PLA2G4A: variants seen among roughly 807,000 people sequenced by gnomAD.
The protein encoded by PLA2G4A is phospholipase A2 group IVA.
A neutral mutation model predicts 81.9 loss-of-function variants in PLA2G4A; 40 were observed. That is an observed-to-expected ratio of 0.49 (90% CI 0.38 to 0.64). PLA2G4A has a LOEUF of 0.64. Among genes scored for constraint, PLA2G4A ranks in the 30% least tolerant of loss-of-function variants. The pLI is 0.00. For missense variants in PLA2G4A, 715 were observed against 905.1 expected, an observed-to-expected ratio of 0.79 and a Z score of 2.69; for synonymous variants, 302 against 296.9, an observed-to-expected ratio of 1.02 and a Z score of -0.18.
chr1:186,947,532 C>T (rs2102234948), intron 12 of PLA2G4A, among the ~76,000 whole-genome samples: 1 of 152,128 alleles, frequency 6.6e-6, no homozygotes, highest in East Asian at 1.9e-4. Context: ...AGTAGACAAT[C>T]TCAACTGGGG....
intron 3 of PLA2G4A, among the ~76,000 whole-genome samples, chr1:186,888,199 A>T (rs1423006882): frequency 1.3e-5 from 2 of 152,226 alleles, no homozygotes; most frequent in African/African-American, 4.8e-5. Context: ...GATTTTTTAA[A>T]CAAAGTCTGT....
chr1:186,932,997 C>G (rs1425607030), intron 8 of PLA2G4A, 98 bp downstream of exon 8: 6 of 907,596 alleles, frequency 6.6e-6, no homozygotes, highest in African/African-American at 3.3e-5. Context: ...GAAAATTGAT[C>G]ATTAATTTAA....
chr1:186,953,554 T>C (rs1476148672), intron 13 of PLA2G4A, among the ~76,000 whole-genome samples: 1 of 152,234 alleles, frequency 6.6e-6, no homozygotes, highest in Non-Finnish European at 1.5e-5. Flanking sequence ...TGTTTAGTCA[T>C]ATGATTTTGA....
chr1:186,861,474 C>G (rs1652798972), intron 2 of PLA2G4A, among the ~76,000 whole-genome samples: 2 of 152,246 alleles, frequency 1.3e-5, no homozygotes, highest in South Asian at 4.1e-4. Context: ...TTCTTTCCTA[C>G]TTTTAGGAAA....
rs1183376391 is a variant in PLA2G4A at position 186,830,939 on chromosome 1, T to TAGC, written c.-70+1904_-70+1905insAGC. The stretch of plus-strand genomic sequence containing the variant: ...TCCTTCTTGCTCCAGATTGTATAGC[T>TAGC]TGCTTGCTTGCTTGCTTGCTTTCTT... On this transcript the variant is annotated intron_variant, in intron 1 of 17. Transcript: ENST00000367466. Among the ~76,000 whole-genome samples the TAGC allele has an allele frequency of 2.4e-3, 122 of 51,436 alleles. 2 individuals carry two copies. Among genetic ancestry groups the TAGC allele is most frequent in the African/African-American group, 8.6e-3 (116 of 13,438 alleles). 33.7% of individuals were successfully genotyped at this position (51,436 alleles called of 152,430 possible).
In PLA2G4A at chr1:186,912,722, T is replaced by TATACATATATATACATATATATGTA. The variant is rs1558429847; in HGVS notation, c.558+1333_558+1334insATACATATATATACATATATATGTA. The stretch of plus-strand genomic sequence containing the variant: ...TTTACTTATTCATATATATGTATAT[T>TATACATATATATACATATATATGTA]TATATATACATATATATACATATAT... On this transcript the variant is annotated intron_variant, in intron 7 of 17. Coordinates refer to ENST00000367466, the MANE Select transcript of PLA2G4A (RefSeq NM_024420.3). 3.4e-4 allele frequency among the ~76,000 whole-genome samples: 48 copies of TATACATATATATACATATATATGTA among 139,654 alleles called. 2 individuals carry two copies. The highest frequency in any genetic ancestry group is 1.4e-3 in the African/African-American group (46 of 34,036). 91.6% of individuals were successfully genotyped at this position (139,654 alleles called of 152,430 possible).
Position 186,909,195 on chromosome 1 carries a change from C to T in PLA2G4A, c.417-2053C>T, listed in dbSNP as rs113818860. On this transcript the variant is annotated intron_variant, in intron 6 of 17. Coordinates refer to ENST00000367466, the MANE Select transcript of PLA2G4A (RefSeq NM_024420.3). ...TTCACCGTGTTAGCTAGGATGGTCT[C>T]GATTTCCTGACCTCGTGATCCGCCT... 6.9e-3 allele frequency among the ~76,000 whole-genome samples: 1,037 copies of T among 149,664 alleles called. 8 individuals carry two copies. The highest frequency in any genetic ancestry group is 0.024 in the African/African-American group (988 of 41,060).
At position 186,988,423 on chromosome 1, in the gene PLA2G4A, A is replaced by C. The variant is rs368064865; in HGVS notation, c.2165A>C (p.Asn722Thr). The change falls in exon 18 of 18, where the codon AAT becomes ACT. Residue 722 changes from asparagine (N) to threonine (T), a missense_variant. Transcript: ENST00000367466. ...GAAAGCATTGAATATAGAAGACAGA[A>C]TCCATCTCGTTGCTCTGTTTCCCTT... ...MVESIEYRRQ[N>T]PSRCSVSLSN... 6 of 1,611,596 alleles carry C rather than the reference A, an allele frequency of 3.7e-6. No homozygotes were observed. Among genetic ancestry groups the C allele is most frequent in the Non-Finnish European group, 5.1e-6 (6 of 1,177,818 alleles).
Position 186,893,047 on chromosome 1 carries a change from C to G in PLA2G4A, c.152C>G (p.Ser51Cys), listed in dbSNP as rs534671847. 7 of 1,610,264 alleles carry G rather than the reference C, an allele frequency of 4.3e-6. No homozygotes were observed. In the South Asian group the frequency reaches 6.6e-5, roughly 15 times the overall value. Reference protein sequence around the residue: ...TPDPYVELFISTTPDSRKRTR... With the variant: ...TPDPYVELFICTTPDSRKRTR... The stretch of plus-strand genomic sequence containing the variant: ...GATCCCTATGTGGAACTTTTTATCT[C>G]TACAACCCCTGACAGCAGGAAGAGA... Residue 51 changes from serine to cysteine, a missense_variant, in exon 4 of 18, where the codon TCT becomes TGT. Coordinates refer to ENST00000367466, the MANE Select transcript of PLA2G4A (RefSeq NM_024420.3).
At chr1:186,971,971 A>G (rs1456799547) in intron 15 of PLA2G4A, among the ~76,000 whole-genome samples, 1 of 152,092 alleles carries the variant, frequency 6.6e-6, no homozygotes, top group Non-Finnish European at 1.5e-5. Context: ...ATGCTGGGCA[A>G]AAAATTAGAA....
chr1:186,964,174 G>C (rs917301708), intron 14 of PLA2G4A, among the ~76,000 whole-genome samples: 1 of 152,038 alleles, frequency 6.6e-6, no homozygotes, highest in Non-Finnish European at 1.5e-5. Flanking sequence ...CCTCCCTCTT[G>C]GGCTTTGCCA....
Position 186,832,275 on chromosome 1 carries a change from G to A in PLA2G4A, c.-70+3240G>A, listed in dbSNP as rs562239291. Reference sequence around the variant, plus strand: ...CATTTTTGTTTATTTCCTTATGGTAGATTCTTAAAGTTTATTTTCTAGGTT... The same window carrying A: ...CATTTTTGTTTATTTCCTTATGGTAAATTCTTAAAGTTTATTTTCTAGGTT... On this transcript the variant is annotated intron_variant, in intron 1 of 17. Coordinates refer to ENST00000367466, the MANE Select transcript of PLA2G4A (RefSeq NM_024420.3). Among the ~76,000 whole-genome samples, 3 of 151,898 alleles carry A rather than the reference G, an allele frequency of 2.0e-5. No individual in the cohort carries two copies. In the East Asian group the frequency reaches 5.8e-4, roughly 29 times the overall value.
chr1:186,868,289 G>C (rs6687896), intron 2 of PLA2G4A, among the ~76,000 whole-genome samples: 116,136 of 151,838 alleles, frequency 0.76, 45,091 homozygotes, highest in Middle Eastern at 0.84. Context: ...TGTTAGCCAG[G>C]CTGGTCTCAA....
At chr1:186,862,194 G>T (rs1652827951) in intron 2 of PLA2G4A, among the ~76,000 whole-genome samples, 1 of 146,084 alleles carries the variant, frequency 6.8e-6, no homozygotes. Context: ...ATGCCTTTCT[G>T]ACTTATGTCT....
chr1:186,974,821 A>G (rs1657476484), intron 15 of PLA2G4A, among the ~76,000 whole-genome samples: 1 of 152,234 alleles, frequency 6.6e-6, no homozygotes, highest in African/African-American at 2.4e-5. Context: ...ACCAGACATC[A>G]GAGAGGAAAT....
At chr1:186,963,243 G>C (rs1657021875) in intron 14 of PLA2G4A, among the ~76,000 whole-genome samples, 1 of 152,116 alleles carries the variant, frequency 6.6e-6, no homozygotes, top group Admixed American at 6.6e-5. Flanking sequence ...TTACCTGTAA[G>C]ATGTTCACAT....
In PLA2G4A at chr1:186,929,209, G is replaced by C. The variant is rs193173448; in HGVS notation, c.559-3554G>C. Among the ~76,000 whole-genome samples the C allele has an allele frequency of 5.4e-4, 83 of 152,304 alleles. No individual in the cohort carries two copies. The Middle Eastern group carries it at 0.024, about 44-fold the overall frequency. ...GAATTTTGATGCCAGACATACCTCA[G>C]TTCAAATCTTGATTGTATTACTTAT... On this transcript the variant is annotated intron_variant, in intron 7 of 17. Coordinates refer to ENST00000367466, the MANE Select transcript of PLA2G4A (RefSeq NM_024420.3).
At chr1:186,959,996 G>A (rs970494687) in intron 14 of PLA2G4A, among the ~76,000 whole-genome samples, 1 of 152,106 alleles carries the variant, frequency 6.6e-6, no homozygotes, top group African/African-American at 2.4e-5. Flanking sequence ...TAAAATGTGG[G>A]TGTTTTAGAA....
intron 7 of PLA2G4A, among the ~76,000 whole-genome samples, chr1:186,923,123 C>T (rs1460235160): frequency 6.6e-6 from 1 of 152,130 alleles, no homozygotes; most frequent in African/African-American, 2.4e-5. Flanking sequence ...GAGGAGTGGT[C>T]TCCTCCCTTA....
Sources: gnomAD v4.1 joint callset for allele counts (sites outside exome capture counted in the v4.1 genomes callset) on GRCh38, gnomAD v4.1.1 for gene constraint, MANE v1.5 for transcripts, NCBI Gene and HGNC (gene_info 2026-07-23, HGNC 2026-07-21) for gene names.